Variants in CABLES2 observed in about 807,000 individuals in gnomAD.
CABLES2 encodes CDK5 and ABL1 enzyme substrate 2.
A neutral mutation model predicts 44.8 loss-of-function variants in CABLES2; 35 were observed. The observed-to-expected ratio is 0.78, with a 90% confidence interval of 0.60 to 1.04. The LOEUF is 1.04. CABLES2 is among the 50% of genes least tolerant of loss of function. The pLI is 0.00. For synonymous variants in CABLES2, 282 were observed against 281.1 expected (o/e 1.00, Z -0.03); for missense variants, 566 against 615.7 (o/e 0.92, Z 0.85).
intron 8 of CABLES2, 129 bp downstream of exon 8, chr20:62,392,260 A>G: frequency 1.5e-6 from 1 of 680,222 alleles, no homozygotes; most frequent in Non-Finnish European, 2.6e-6. Flanking sequence ...GCCTGGTCGG[A>G]TGGCGAGAGG....
At chr20:62,397,927 T>TGGTGATGGTGATGGC (rs1988053210) in intron 1 of CABLES2, among the ~76,000 whole-genome samples, 1 of 100,178 alleles carries the variant, frequency 1.0e-5, no homozygotes, top group South Asian at 4.0e-4. Context: ...GTGGTGATGG[T>TGGTGATGGTGATGGC]GGTGGTGGTG....
intron 1 of CABLES2, among the ~76,000 whole-genome samples, chr20:62,397,973 A>AGTGGTGATGGTGGTG (rs1601475551): frequency 9.7e-6 from 1 of 103,346 alleles, no homozygotes; most frequent in Non-Finnish European, 2.1e-5. Flanking sequence ...TGGTGGTGAC[A>AGTGGTGATGGTGGTG]GTGGTGATGG....
chr20:62,394,419 G>A (rs1251858147), intron 4 of CABLES2, among the ~76,000 whole-genome samples, 154 bp from the exon 5 acceptor site: 1 of 152,158 alleles, frequency 6.6e-6, no homozygotes, highest in East Asian at 1.9e-4. Context: ...CCAGGAAGGC[G>A]CACGTCAGGA....
At chr20:62,393,307 C>T in intron 6 of CABLES2, 133 bp downstream of exon 6, 2 of 1,051,148 alleles carry the variant, frequency 1.9e-6, no homozygotes, top group Non-Finnish European at 2.8e-6. Context: ...TCTCCTGACC[C>T]TGTTCCCCAG....
chr20:62,401,633 G>A (rs1028280508), intron 1 of CABLES2, among the ~76,000 whole-genome samples: 5 of 152,226 alleles, frequency 3.3e-5, no homozygotes, highest in Non-Finnish European at 5.9e-5. Context: ...AGCAGGAGGC[G>A]GGACATGCGC....
chr20:62,391,049 G>C lies in CABLES2; in HGVS notation c.1359C>G (p.Leu453=). 3.7e-6 allele frequency: 6 copies of C among 1,614,138 alleles called. No homozygotes were observed. The highest frequency in any genetic ancestry group is 5.1e-6 in the Non-Finnish European group (6 of 1,180,032). The change falls in exon 10 of 10, where the codon CTC becomes CTG. Residue 453 remains leucine, a synonymous_variant. Transcript: ENST00000279101. This position sits in a 1 kb window ranked among gnomAD's most constrained non-coding sequence, Gnocchi z 5.7. ...RDLIGFEFTV[L]VALELALYLP... is the part of the protein sequence containing the mutation. ...GATACAGGGCCAGCTCCAAGGCCAC[G>C]AGCACTGTGAACTCAAACCCTATCA...
chr20:62,392,140 G>T (rs1425524888), intron 8 of CABLES2, among the ~76,000 whole-genome samples: 15 of 151,846 alleles, frequency 9.9e-5, no homozygotes, highest in African/African-American at 3.6e-4. Flanking sequence ...CTGGGCTGCT[G>T]CGAGGGTCTG....
At chr20:62,404,459 T>C (rs1344683328) in intron 1 of CABLES2, 1 of 152,264 alleles carries the variant, frequency 6.6e-6, no homozygotes, top group South Asian at 2.1e-4. Flanking sequence ...TTCAGGACTT[T>C]CAGAATTCTC....
At chr20:62,394,339 G>A (rs923797117) in intron 4 of CABLES2, 74 bp from the exon 5 acceptor site, 48 of 1,218,048 alleles carry the variant, frequency 3.9e-5, no homozygotes, top group African/African-American at 2.4e-4. Context: ...CCACCTGTCC[G>A]CTGGCCCGAG....
At chr20:62,402,362 T>G (rs1252649199) in intron 1 of CABLES2, 1 of 152,052 alleles carries the variant, frequency 6.6e-6, no homozygotes, top group Non-Finnish European at 1.5e-5. Flanking sequence ...CCCAAAGCTG[T>G]GTGTACGAGC....
Position 62,391,116 on chromosome 20 carries a change from A to G in CABLES2, c.1297-5T>C. ...TCGAAACCTTTCTTCTAACTTCTGCAGGGGAGAAGAGAGAAGGGTTACACG... is the reference window on the plus strand; with the variant it reads ...TCGAAACCTTTCTTCTAACTTCTGCGGGGGAGAAGAGAGAAGGGTTACACG... On this transcript the variant is annotated splice_polypyrimidine_tract_variant and splice_region_variant and intron_variant, in intron 9 of 9. Coordinates refer to ENST00000279101, the MANE Select transcript of CABLES2 (RefSeq NM_031215.3). The surrounding 1 kb of genome is among the most constrained non-coding windows in gnomAD (Gnocchi z 5.7). 2.5e-6 allele frequency: 4 copies of G among 1,613,930 alleles called. No individual in the cohort carries two copies. Among genetic ancestry groups the G allele is most frequent in the Non-Finnish European group, 3.4e-6 (4 of 1,179,906 alleles).
In CABLES2 at chr20:62,396,800, C is replaced by T. The variant is rs1306306839; in HGVS notation, c.363-208G>A. Among the ~76,000 whole-genome samples the T allele has an allele frequency of 6.6e-6, 1 of 152,100 alleles. No homozygotes were observed. Among genetic ancestry groups the T allele is most frequent in the African/African-American group, 2.4e-5 (1 of 41,426 alleles). On this transcript the variant is annotated intron_variant, in intron 1 of 9. Coordinates refer to ENST00000279101, the MANE Select transcript of CABLES2 (RefSeq NM_031215.3). This position sits in a 1 kb window ranked among gnomAD's most constrained non-coding sequence, Gnocchi z 5.7. ...TTGAGAGGTTCCTGTTTTGGAGGCA[C>T]TGAGCTCTTCTCTGGGGACCAGCAG...
intron 1 of CABLES2, among the ~76,000 whole-genome samples, chr20:62,397,984 CGGT>C (rs1255678041): frequency 6.4e-4 from 28 of 43,836 alleles, no homozygotes; most frequent in Admixed American, 1.1e-3. Context: ...GTGGTGATGG[CGGT>C]GGTGGTGATG....
chr20:62,401,734 A>C (rs1988192240), intron 1 of CABLES2, among the ~76,000 whole-genome samples: 2 of 152,172 alleles, frequency 1.3e-5, no homozygotes, highest in Admixed American at 6.5e-5. Flanking sequence ...AGGTCCCCTC[A>C]GTGTGGGGGA....
chr20:62,401,771 TG>T (rs1988193021), intron 1 of CABLES2, among the ~76,000 whole-genome samples: 1 of 152,090 alleles, frequency 6.6e-6, no homozygotes, highest in Admixed American at 6.5e-5. Flanking sequence ...ACCAGGGAGC[TG>T]GGGGATTGGC....
In CABLES2 at chr20:62,390,920, C is replaced by T; in HGVS notation, c.*51G>A. The T allele has an allele frequency of 6.2e-7, 1 of 1,603,248 alleles. No homozygotes were observed. Among genetic ancestry groups the T allele is most frequent in the Non-Finnish European group, 8.5e-7 (1 of 1,171,624 alleles). On this transcript the variant is annotated 3_prime_UTR_variant, in exon 10 of 10. Coordinates refer to ENST00000279101, the MANE Select transcript of CABLES2 (RefSeq NM_031215.3). ...GGCGCGGGGCTTCAGTGGGACACCT[C>T]CCAGGCCGGCAAGTGCACCTCGGTG...
At position 62,391,324 on chromosome 20, in the gene CABLES2, G is replaced by A. The variant is rs560058811; in HGVS notation, c.1221C>T (p.Cys407=). 65 of 1,613,168 alleles carry A rather than the reference G, an allele frequency of 4.0e-5. No individual in the cohort carries two copies. In the South Asian group the frequency reaches 5.3e-4, roughly 13 times the overall value. The stretch of plus-strand genomic sequence containing the variant: ...CAGCCAGCAGCACGCAGGCGCCAGC[G>A]CACAGCTTGCGGTTCTGTTTGCTGA... The part of the protein sequence containing the change: ...GKLSKQNRKL[C]AGACVLLAAK... The change falls in exon 9 of 10, where the codon TGC becomes TGT. Residue 407 remains cysteine (C), a synonymous_variant. Coordinates refer to ENST00000279101, the MANE Select transcript of CABLES2 (RefSeq NM_031215.3). The surrounding 1 kb of genome is among the most constrained non-coding windows in gnomAD (Gnocchi z 5.7).
intron 1 of CABLES2, among the ~76,000 whole-genome samples, chr20:62,399,986 C>G (rs1207491699): frequency 6.6e-6 from 1 of 152,200 alleles, no homozygotes; most frequent in Non-Finnish European, 1.5e-5. Context: ...AGTTTGAAGT[C>G]AGGAACTTAA....
At chr20:62,398,058 ATG>A (rs1988077307) in intron 1 of CABLES2, among the ~76,000 whole-genome samples, 2 of 77,200 alleles carry the variant, frequency 2.6e-5, no homozygotes, top group African/African-American at 6.5e-5. Context: ...GGTGATGGCG[ATG>A]GTGGTGGTGA....
Sources: allele counts gnomAD v4.1 joint callset (sites outside exome capture counted in the v4.1 genomes callset), GRCh38; gene constraint gnomAD v4.1.1; non-coding constraint Gnocchi (gnomAD v3.1); transcripts MANE v1.5; gene names NCBI Gene and HGNC (gene_info 2026-07-23, HGNC 2026-07-21).